The following ZMYND8 variants were observed in gnomAD, a reference collection of about 807,000 sequenced individuals.
The protein encoded by ZMYND8 is zinc finger MYND-type containing 8.
A neutral mutation model predicts 140.8 loss-of-function variants in ZMYND8; 37 were observed. The observed-to-expected ratio is 0.26, with a 90% CI of 0.20 to 0.35. ZMYND8 has a LOEUF of 0.35. ZMYND8 is among the 10% of genes least tolerant of loss of function. The probability of loss-of-function intolerance (pLI) is 1.00; values close to 1 mark genes in which losing one functional copy is unlikely to be tolerated. For synonymous variants in ZMYND8, 592 were observed against 597.1 expected (o/e 0.99, Z 0.12); for missense variants, 1,068 against 1,570.0 (o/e 0.68, Z 5.40).
intron 3 of ZMYND8, among the ~76,000 whole-genome samples, chr20:47,300,884 TTGTG>T (rs200833449): frequency 0.085 from 11,029 of 130,182 alleles, 522 homozygotes; most frequent in East Asian, 0.22. Context: ...ACAACTAATT[TTGTG>T]TGTGTGTGTG....
At chr20:47,318,509 A>G in intron 2 of ZMYND8, 2 of 356,022 alleles carry the variant, frequency 5.6e-6, no homozygotes, top group Admixed American at 3.9e-5. Flanking sequence ...AGAGCATAGA[A>G]GTAAGAAATC....
At chr20:47,228,630 T>C (rs567266292) in intron 17 of ZMYND8, among the ~76,000 whole-genome samples, 6 of 152,252 alleles carry the variant, frequency 3.9e-5, no homozygotes, top group Admixed American at 2.0e-4. Flanking sequence ...AGGGGATTCA[T>C]TGATTTTTCT....
At chr20:47,320,866 A>G in intron 2 of ZMYND8, 1 of 152,260 alleles carries the variant, frequency 6.6e-6, no homozygotes, top group Non-Finnish European at 1.5e-5. Context: ...TAGAAAAGTC[A>G]GACAGGAACC....
chr20:47,283,270 T>C (rs1007898732), intron 9 of ZMYND8, among the ~76,000 whole-genome samples: 2 of 152,222 alleles, frequency 1.3e-5, no homozygotes, highest in Non-Finnish European at 2.9e-5. Flanking sequence ...CATCTTATTA[T>C]CTGAAAAGCT....
chr20:47,354,145 G>A (rs1169512138), intron 1 of ZMYND8: 1 of 152,132 alleles, frequency 6.6e-6, no homozygotes, highest in Non-Finnish European at 1.5e-5. Flanking sequence ...CTCATGCTTG[G>A]TAGGGGTCAC....
intron 2 of ZMYND8, among the ~76,000 whole-genome samples, chr20:47,318,225 C>G (rs2079573395): frequency 6.6e-6 from 1 of 152,154 alleles, no homozygotes; most frequent in Non-Finnish European, 1.5e-5. Flanking sequence ...TGCCAGGTTT[C>G]CCCCAGTAAC....
chr20:47,303,480 G>A (rs1019054110), intron 3 of ZMYND8, among the ~76,000 whole-genome samples: 3 of 152,142 alleles, frequency 2.0e-5, no homozygotes, highest in African/African-American at 4.8e-5. Flanking sequence ...CACTTTGGGA[G>A]GCCAAGGCAG....
At position 47,269,650 on chromosome 20, in the gene ZMYND8, T is replaced by C. The variant is rs185376462; in HGVS notation, c.1480+6664A>G. ...TCCTGGCCTGCGTGAAGGGTTGTTC[T>C]GACTACAGTAGGAAACATGAGCCTT... On this transcript the variant is annotated intron_variant, in intron 11 of 22. Transcript: ENST00000471951. 7.2e-4 allele frequency among the ~76,000 whole-genome samples: 110 copies of C among 152,360 alleles called. 1 individual carries two copies. Among genetic ancestry groups the C allele is most frequent in the East Asian group, 5.6e-3 (29 of 5,194 alleles).
chr20:47,300,549 T>C (rs555895654), intron 3 of ZMYND8, among the ~76,000 whole-genome samples: 2 of 152,342 alleles, frequency 1.3e-5, no homozygotes, highest in South Asian at 2.1e-4. Context: ...ACAGTTCCAA[T>C]AGTTTATTGA....
chr20:47,297,548 A>G (rs930671592), intron 4 of ZMYND8, among the ~76,000 whole-genome samples: 1 of 152,068 alleles, frequency 6.6e-6, no homozygotes, highest in Non-Finnish European at 1.5e-5. Context: ...CACCCTCCCA[A>G]GTAGCTGGGA....
Position 47,313,223 on chromosome 20 carries a change from GAAAA to G in ZMYND8, c.86-3023_86-3020del, listed in dbSNP as rs56704156. Among the ~76,000 whole-genome samples, 140 of 126,030 alleles carry G rather than the reference GAAAA, an allele frequency of 1.1e-3. 1 individual carries two copies. The highest frequency in any genetic ancestry group is 3.3e-3 in the African/African-American group (125 of 37,986). The allele number at this position is 126,030 out of a possible 152,430, so 82.7% of individuals were successfully genotyped here. A position where few individuals can be genotyped will look rare whatever the true frequency, so the allele number is the denominator to read the frequency against. ...GGTGAAAAGGAGAGACACTGTCTCT[GAAAA>G]AAAAAAAAAAAAATTTAATTATAAA... On this transcript the variant is annotated intron_variant, in intron 2 of 22. Coordinates refer to ENST00000471951, the MANE Select transcript of ZMYND8 (RefSeq NM_001281775.3).
chr20:47,331,847 G>A (rs1004290691), intron 2 of ZMYND8, among the ~76,000 whole-genome samples: 1 of 152,220 alleles, frequency 6.6e-6, no homozygotes, highest in Non-Finnish European at 1.5e-5. Flanking sequence ...TGTGAATGTG[G>A]AAGGTCAGGG....
At chr20:47,303,023 G>C (rs994526947) in intron 3 of ZMYND8, among the ~76,000 whole-genome samples, 1 of 151,846 alleles carries the variant, frequency 6.6e-6, no homozygotes, top group African/African-American at 2.4e-5. Flanking sequence ...CCTCACACAC[G>C]TAATTAGGAC....
chr20:47,285,677 G>A, intron 8 of ZMYND8: 1 of 985,134 alleles, frequency 1.0e-6, no homozygotes, highest in Non-Finnish European at 1.2e-6. Flanking sequence ...ATCATCAAAT[G>A]CGCAATGATA....
At chr20:47,221,621 G>T in intron 19 of ZMYND8, 147 bp from the exon 20 acceptor site, 1 of 1,006,562 alleles carries the variant, frequency 9.9e-7, no homozygotes, top group Non-Finnish European at 1.4e-6. Flanking sequence ...GGGCCAGATT[G>T]CCAGAGTTTT....
intron 2 of ZMYND8, among the ~76,000 whole-genome samples, chr20:47,313,380 TG>T (rs1478322628): frequency 6.6e-6 from 1 of 152,088 alleles, no homozygotes; most frequent in Admixed American, 6.6e-5. Flanking sequence ...CCCAGCACTT[TG>T]GGAGGCCAAG....
chr20:47,315,900 G>C (rs1228605491), intron 2 of ZMYND8, among the ~76,000 whole-genome samples: 2 of 152,170 alleles, frequency 1.3e-5, no homozygotes, highest in African/African-American at 4.8e-5. Context: ...GGGTGAGGGA[G>C]GAATGCAGCC....
intron 7 of ZMYND8, among the ~76,000 whole-genome samples, chr20:47,287,767 G>A (rs183883659): frequency 2.0e-5 from 3 of 152,146 alleles, no homozygotes; most frequent in Admixed American, 2.0e-4. Flanking sequence ...TGAGGCAGAG[G>A]GATCACTTGA....
chr20:47,346,795 C>T (rs1373078953), intron 2 of ZMYND8, among the ~76,000 whole-genome samples: 3 of 152,080 alleles, frequency 2.0e-5, no homozygotes, highest in Non-Finnish European at 4.4e-5. Context: ...TTAGTAGAGA[C>T]GGGGGTTTCA....
Sources: allele counts gnomAD v4.1 joint callset (sites outside exome capture counted in the v4.1 genomes callset), GRCh38; gene constraint gnomAD v4.1.1; transcripts MANE v1.5; gene names NCBI Gene and HGNC (gene_info 2026-07-23, HGNC 2026-07-21).